Variants in GRIN2B observed in about 807,000 individuals in gnomAD.
The protein encoded by GRIN2B is glutamate ionotropic receptor NMDA type subunit 2B.
GRIN2B carries 5 observed loss-of-function variants against 114.5 expected under a neutral mutation model. The observed-to-expected ratio is 0.04, with a 90% confidence interval of 0.02 to 0.09. The LOEUF is 0.09. Ranked by LOEUF, GRIN2B falls within the 10% of genes least tolerant of loss-of-function variation. GRIN2B has a pLI of 1.00. For missense variants in GRIN2B, 1,108 were observed against 1,943.5 expected (o/e 0.57, Z 8.08); for synonymous variants, 787 against 745.1 (o/e 1.06, Z -0.92).
chr12:13,759,590 A>C (rs925428461), intron 3 of GRIN2B, among the ~76,000 whole-genome samples: 5 of 152,088 alleles, frequency 3.3e-5, no homozygotes, highest in African/African-American at 1.2e-4. Flanking sequence ...CCTCTTGTAA[A>C]AGGCAGGTGA....
At chr12:13,575,933 T>C (rs1948770301) in intron 10 of GRIN2B, among the ~76,000 whole-genome samples, 1 of 152,212 alleles carries the variant, frequency 6.6e-6, no homozygotes, top group Non-Finnish European at 1.5e-5. Flanking sequence ...AAATTCTTAG[T>C]TGCTTCTATG....
At chr12:13,965,809 G>A (rs1439313067) in intron 2 of GRIN2B, among the ~76,000 whole-genome samples, 1 of 152,122 alleles carries the variant, frequency 6.6e-6, no homozygotes, top group Non-Finnish European at 1.5e-5. Flanking sequence ...GGTAATAATT[G>A]CATCGCTCCT....
intron 5 of GRIN2B, among the ~76,000 whole-genome samples, chr12:13,630,999 G>C (rs1949611277): frequency 6.6e-6 from 1 of 151,964 alleles, no homozygotes; most frequent in Admixed American, 6.5e-5. Flanking sequence ...ATCAGGAGCG[G>C]GTAACTGTCA....
In GRIN2B at chr12:13,548,025, G is replaced by A. The variant is rs1414799056; in HGVS notation, c.*14758C>T. The A allele has an allele frequency of 7.2e-6, 1 of 139,350 alleles. No homozygotes were observed. The highest frequency in any genetic ancestry group is 2.6e-5 in the African/African-American group (1 of 37,964). The allele number at this position is 139,350 out of a possible 1,614,324, so 8.6% of individuals were successfully genotyped here. A position where few individuals can be genotyped will look rare whatever the true frequency, so the allele number is the denominator to read the frequency against. On this transcript the variant is annotated 3_prime_UTR_variant, in exon 14 of 14. Coordinates refer to ENST00000609686, the MANE Select transcript of GRIN2B (RefSeq NM_000834.5). ...AAGCTACAGAAGAGACCACGGAGAT[G>A]TGTGAGCTGCCAAGGTGCCAATGAT...
At chr12:13,668,633 T>G (rs1221883494) in intron 5 of GRIN2B, among the ~76,000 whole-genome samples, 1 of 151,984 alleles carries the variant, frequency 6.6e-6, no homozygotes, top group Non-Finnish European at 1.5e-5. Flanking sequence ...AAATATGTAA[T>G]CCAGTGGCCC....
chr12:13,912,939 C>A (rs1201363624), intron 2 of GRIN2B, among the ~76,000 whole-genome samples: 1 of 152,170 alleles, frequency 6.6e-6, no homozygotes, highest in South Asian at 2.1e-4. Flanking sequence ...CCTGGTCCTA[C>A]AGGCTAGAAT....
chr12:13,589,270 G>C (rs895316328), intron 10 of GRIN2B, among the ~76,000 whole-genome samples: 1 of 152,310 alleles, frequency 6.6e-6, no homozygotes, highest in Non-Finnish European at 1.5e-5. Context: ...TACAACAGAG[G>C]CTTTAGTTAA....
intron 4 of GRIN2B, among the ~76,000 whole-genome samples, chr12:13,686,061 C>A (rs1049232179): frequency 6.6e-6 from 1 of 152,104 alleles, no homozygotes; most frequent in Non-Finnish European, 1.5e-5. Context: ...AGAAAAACCA[C>A]AATGCAAAAG....
rs946603726 is a variant in GRIN2B at position 13,572,113 on chromosome 12, A to G, written c.2011-149T>C. On this transcript the variant is annotated intron_variant, in intron 10 of 13. Transcript: ENST00000609686. ...GACCCAACTATAATTCACCGAATACATTAGCCCTCACTCAAGAGCAGCAAT... is the reference window on the plus strand; with the variant it reads ...GACCCAACTATAATTCACCGAATACGTTAGCCCTCACTCAAGAGCAGCAAT... 9 of 680,372 alleles carry G rather than the reference A, an allele frequency of 1.3e-5. No individual in the cohort carries two copies. In the Admixed American group the frequency reaches 1.8e-4, roughly 14 times the overall value. 42.1% of individuals were successfully genotyped at this position (680,372 alleles called of 1,614,324 possible).
chr12:13,666,048 T>C lies in GRIN2B; in HGVS notation c.1125+9697A>G, dbSNP rs566414895. On this transcript the variant is annotated intron_variant, in intron 5 of 13. Transcript: ENST00000609686. Reference sequence around the variant, plus strand: ...CAGAAGACATCTGACAGCAAACGCTTGAGCTAGAAAAACATGGAAAGGCAT... The same window carrying C: ...CAGAAGACATCTGACAGCAAACGCTCGAGCTAGAAAAACATGGAAAGGCAT... 1.1e-4 allele frequency among the ~76,000 whole-genome samples: 16 copies of C among 152,236 alleles called. 1 individual carries two copies. Among genetic ancestry groups the C allele is most frequent in the African/African-American group, 3.6e-4 (15 of 41,556 alleles).
chr12:13,866,607 C>A (rs1414585085), intron 2 of GRIN2B, among the ~76,000 whole-genome samples: 1 of 152,114 alleles, frequency 6.6e-6, no homozygotes, highest in African/African-American at 2.4e-5. Flanking sequence ...GAAAGCAAGG[C>A]CAGACAAAGT....
intron 10 of GRIN2B, 53 bp downstream of exon 10, chr12:13,608,550 T>A: frequency 7.5e-7 from 1 of 1,332,584 alleles, no homozygotes. Flanking sequence ...ACTTTGAGTA[T>A]GGCTGAGAAC....
intron 5 of GRIN2B, among the ~76,000 whole-genome samples, chr12:13,634,840 T>G (rs1051223873): frequency 1.3e-5 from 2 of 152,208 alleles, no homozygotes; most frequent in African/African-American, 4.8e-5. Flanking sequence ...CTGCTATAGT[T>G]AGGATCCTGT....
intron 2 of GRIN2B, among the ~76,000 whole-genome samples, chr12:13,956,782 A>G (rs1209912476): frequency 6.6e-6 from 1 of 152,198 alleles, no homozygotes; most frequent in African/African-American, 2.4e-5. Context: ...GATGAATAGC[A>G]TCCATGTCCC....
chr12:13,634,664 CATCTGT>C lies in GRIN2B; in HGVS notation c.1126-18013_1126-18008del, dbSNP rs537780129. Among the ~76,000 whole-genome samples, 206 of 152,292 alleles carry C rather than the reference CATCTGT, an allele frequency of 1.4e-3. 1 individual carries two copies. In the Middle Eastern group the frequency reaches 0.031, roughly 23 times the overall value. On this transcript the variant is annotated intron_variant, in intron 5 of 13. Transcript: ENST00000609686. ...CTCACCATAAATGGGAAATAGAGTC[CATCTGT>C]ATACCCAGAAAGGTGAACAAACACA...
chr12:13,943,139 G>C (rs1045801645), intron 2 of GRIN2B, among the ~76,000 whole-genome samples: 3 of 152,132 alleles, frequency 2.0e-5, no homozygotes, highest in Non-Finnish European at 4.4e-5. Context: ...CTTCTCAGTA[G>C]ATGTGCCTGC....
At chr12:13,722,871 C>T (rs1283818629) in intron 4 of GRIN2B, among the ~76,000 whole-genome samples, 1 of 152,104 alleles carries the variant, frequency 6.6e-6, no homozygotes, top group Admixed American at 6.6e-5. Context: ...TCATCAGGCA[C>T]CACTGTGCAC....
At position 13,950,418 on chromosome 12, in the gene GRIN2B, A is replaced by G. The variant is rs146712724; in HGVS notation, c.-19+29510T>C. Among the ~76,000 whole-genome samples the G allele has an allele frequency of 2.3e-4, 35 of 152,318 alleles. No homozygotes were observed. In the East Asian group the frequency reaches 6.4e-3, roughly 28 times the overall value. ...TGGGCTACACAACCTAAGGCAAGTT[A>G]TTTCATCTCTTTAAGTTTATTCCTT... On this transcript the variant is annotated intron_variant, in intron 2 of 13. Transcript: ENST00000609686.
intron 2 of GRIN2B, among the ~76,000 whole-genome samples, chr12:13,889,157 CAT>C (rs1165726499): frequency 6.6e-6 from 1 of 152,022 alleles, no homozygotes; most frequent in Non-Finnish European, 1.5e-5. Context: ...GAGACACAAA[CAT>C]ATACATTAGG....
Sources: gnomAD v4.1 joint callset for allele counts (sites outside exome capture counted in the v4.1 genomes callset) on GRCh38, gnomAD v4.1.1 for gene constraint, MANE v1.5 for transcripts, NCBI Gene and HGNC (gene_info 2026-07-23, HGNC 2026-07-21) for gene names.